FUT8: variants seen among roughly 807,000 people sequenced by gnomAD.
The protein encoded by FUT8 is fucosyltransferase 8.
Under a neutral mutation model 71.3 loss-of-function variants are expected in FUT8, and 29 were observed. The ratio of observed to expected loss-of-function variants is 0.41; its 90% CI spans 0.30 to 0.55. The LOEUF is 0.55. Ranked by LOEUF, FUT8 falls within the 20% of genes least tolerant of loss-of-function variation. FUT8 has a pLI of 0.34. For missense variants in FUT8, 544 were observed against 702.1 expected (o/e 0.77, Z 2.55); for synonymous variants, 254 against 239.3 (o/e 1.06, Z -0.57).
chr14:65,616,066 GA>G lies in FUT8; in HGVS notation c.296del (p.Asn99IlefsTer17). The G allele has an allele frequency of 2.5e-6, 4 of 1,613,916 alleles. No homozygotes were observed. Among genetic ancestry groups the G allele is most frequent in the Non-Finnish European group, 3.4e-6 (4 of 1,179,866 alleles). On this transcript the variant is annotated frameshift_variant, in exon 4 of 11. Coordinates refer to ENST00000673929, the MANE Select transcript of FUT8 (RefSeq NM_001371533.1). LOFTEE classifies it high-confidence loss of function. ...GCTTGTTAAGGCCAAAGAACAGATT[GA>G]AAATTACAAGAAACAGACCAGAAAT... The part of the protein sequence containing the change: ...EQLVKAKEQI[E>X]NYKKQTRNGL...
the FUT8 span, among the ~76,000 whole-genome samples, chr14:65,395,177 C>T: frequency 8.5e-5 from 13 of 152,366 alleles, no homozygotes; most frequent in South Asian, 2.7e-3. Flanking sequence ...CAGCCTCCCT[C>T]CTAGCTGCTT....
intron 2 of FUT8, among the ~76,000 whole-genome samples, chr14:65,499,924 G>C (rs1594704106): frequency 6.6e-6 from 1 of 151,986 alleles, no homozygotes; most frequent in Admixed American, 6.6e-5. Context: ...TGACCTTAGG[G>C]TAAAAAAATT....
chr14:65,692,238 C>T (rs1893656984), intron 7 of FUT8, among the ~76,000 whole-genome samples: 1 of 150,492 alleles, frequency 6.6e-6, no homozygotes, highest in Admixed American at 6.6e-5. Flanking sequence ...GGGCTGACCC[C>T]CCCACCTCCC....
intron 1 of FUT8, among the ~76,000 whole-genome samples, chr14:65,432,742 C>A (rs1163359671): frequency 6.6e-6 from 1 of 152,190 alleles, no homozygotes; most frequent in Non-Finnish European, 1.5e-5. Context: ...CACTACTACA[C>A]TTCCATTAGC....
chr14:65,686,686 A>G (rs115602100), intron 7 of FUT8, among the ~76,000 whole-genome samples: 26 of 152,340 alleles, frequency 1.7e-4, no homozygotes, highest in African/African-American at 6.0e-4. Context: ...TTAAGTCTTA[A>G]AAGTTCATCA....
At chr14:65,720,105 A>G (rs1433650134) in intron 7 of FUT8, among the ~76,000 whole-genome samples, 2 of 149,942 alleles carry the variant, frequency 1.3e-5, no homozygotes, top group Non-Finnish European at 3.0e-5. Flanking sequence ...GGGAGCCAGC[A>G]TCTGGAGTTG....
At chr14:65,675,367 G>A (rs1056962336) in intron 7 of FUT8, among the ~76,000 whole-genome samples, 1 of 152,020 alleles carries the variant, frequency 6.6e-6, no homozygotes, top group Non-Finnish European at 1.5e-5. Context: ...ACATTTTCTT[G>A]GACTATTAAT....
At chr14:65,616,789 G>A (rs1889308459) in intron 5 of FUT8, among the ~76,000 whole-genome samples, 1 of 151,926 alleles carries the variant, frequency 6.6e-6, no homozygotes, top group Non-Finnish European at 1.5e-5. Context: ...CTTTAAAATA[G>A]CATTTTTTTA....
chr14:65,391,527 T>C, the FUT8 span, among the ~76,000 whole-genome samples: 1 of 152,204 alleles, frequency 6.6e-6, no homozygotes, highest in Non-Finnish European at 1.5e-5. Flanking sequence ...AGCTATTTTT[T>C]GTGTTTTTAG....
At chr14:65,710,211 A>C (rs1265707084) in intron 7 of FUT8, among the ~76,000 whole-genome samples, 1 of 152,208 alleles carries the variant, frequency 6.6e-6, no homozygotes, top group Non-Finnish European at 1.5e-5. Context: ...AAACTCATTT[A>C]AGTTTTAAAA....
chr14:65,645,408 A>G (rs1891077453), intron 6 of FUT8, among the ~76,000 whole-genome samples: 1 of 152,226 alleles, frequency 6.6e-6, no homozygotes, highest in South Asian at 2.1e-4. Flanking sequence ...TGTTTTCTGT[A>G]AAGAGAATTG....
intron 2 of FUT8, among the ~76,000 whole-genome samples, chr14:65,474,963 A>G (rs1367992638): frequency 1.3e-5 from 2 of 152,212 alleles, no homozygotes; most frequent in Non-Finnish European, 2.9e-5. Context: ...TGTTGGGATT[A>G]TAGGTGTGAG....
the FUT8 span, among the ~76,000 whole-genome samples, chr14:65,367,298 TTAGAGTC>T: frequency 2.6e-5 from 4 of 152,316 alleles, no homozygotes; most frequent in Admixed American, 2.6e-4. Context: ...CTCTTCATCT[TTAGAGTC>T]TAGAGCATAA....
chr14:65,418,339 G>T (rs2065248143), intron 1 of FUT8, among the ~76,000 whole-genome samples: 1 of 152,102 alleles, frequency 6.6e-6, no homozygotes, highest in African/African-American at 2.4e-5. Context: ...TATCAATGTT[G>T]TGACTGATTT....
chr14:65,591,600 T>G (rs1887689157), intron 3 of FUT8, among the ~76,000 whole-genome samples: 1 of 152,100 alleles, frequency 6.6e-6, no homozygotes, highest in Non-Finnish European at 1.5e-5. Flanking sequence ...AGAGGTAAGA[T>G]AGAGTTATGA....
chr14:65,598,113 A>G (rs1888089755), intron 3 of FUT8, among the ~76,000 whole-genome samples: 1 of 152,190 alleles, frequency 6.6e-6, no homozygotes, highest in Non-Finnish European at 1.5e-5. Flanking sequence ...AGTCAAGGCT[A>G]CACAGTAAGC....
intron 7 of FUT8, among the ~76,000 whole-genome samples, chr14:65,701,659 C>T (rs1894301644): frequency 6.6e-6 from 1 of 152,050 alleles, no homozygotes; most frequent in Admixed American, 6.6e-5. Context: ...CAGTATGAAC[C>T]CAAAATGACA....
chr14:65,432,128 A>C (rs1169222557), intron 1 of FUT8, among the ~76,000 whole-genome samples: 2 of 151,968 alleles, frequency 1.3e-5, no homozygotes, highest in Admixed American at 6.6e-5. Context: ...TCTCCTTATA[A>C]CTTTGCTGTC....
At chr14:65,720,334 G>A (rs1594935741) in intron 7 of FUT8, among the ~76,000 whole-genome samples, 1 of 152,060 alleles carries the variant, frequency 6.6e-6, no homozygotes. Flanking sequence ...GGTGAATGTT[G>A]CCAGGCCTGG....
Sources: allele counts gnomAD v4.1 joint callset (sites outside exome capture counted in the v4.1 genomes callset), GRCh38; gene constraint gnomAD v4.1.1; transcripts MANE v1.5; gene names NCBI Gene and HGNC (gene_info 2026-07-23, HGNC 2026-07-21).